The following SV2C variants were observed in gnomAD, a reference collection of about 807,000 sequenced individuals.
SV2C encodes synaptic vesicle glycoprotein 2C, also known as solute carrier family 22 member B3.
A neutral mutation model predicts 79.7 loss-of-function variants in SV2C; 49 were observed. The ratio of observed to expected loss-of-function variants is 0.61; its 90% CI spans 0.49 to 0.78. The LOEUF is 0.78. Ranked by LOEUF, SV2C falls within the 30% of genes least tolerant of loss-of-function variation. The probability of loss-of-function intolerance (pLI) is 0.00; values close to 1 mark genes in which losing one functional copy is unlikely to be tolerated. For missense variants in SV2C, 833 were observed against 912.9 expected (o/e 0.91, Z 1.13); for synonymous variants, 334 against 333.2 (o/e 1.00, Z -0.03).
At position 76,333,313 on chromosome 5, in the gene SV2C, G is replaced by A. The variant is rs1463725293; in HGVS notation, c.*7766G>A. The A allele has an allele frequency of 6.6e-6, 1 of 152,190 alleles. No individual in the cohort carries two copies. Among genetic ancestry groups the A allele is most frequent in the Admixed American group, 6.5e-5 (1 of 15,282 alleles). 9.4% of individuals were successfully genotyped at this position (152,190 alleles called of 1,614,324 possible). On this transcript the variant is annotated 3_prime_UTR_variant, in exon 13 of 13. Coordinates refer to ENST00000502798, the MANE Select transcript of SV2C (RefSeq NM_014979.4). ...ACTTTCTTAGCATCCATGCAGTTAT[G>A]TATCCTCATCCTGATCCAGGAACAT... is the stretch of plus-strand genomic sequence containing the variant.
intron 1 of SV2C, among the ~76,000 whole-genome samples, chr5:76,087,594 A>G (rs1419333632): frequency 6.6e-6 from 1 of 152,200 alleles, no homozygotes; most frequent in East Asian, 1.9e-4. Context: ...CCCATTCTAG[A>G]CATTCTAAAT....
intron 12 of SV2C, among the ~76,000 whole-genome samples, chr5:76,319,506 C>G (rs1301303255): frequency 6.6e-6 from 1 of 152,168 alleles, no homozygotes; most frequent in East Asian, 1.9e-4. Flanking sequence ...AAAGGGTAGT[C>G]ACGTTTTCTT....
intron 12 of SV2C, among the ~76,000 whole-genome samples, chr5:76,346,283 T>C (rs1749536126): frequency 6.6e-6 from 1 of 152,234 alleles, no homozygotes; most frequent in South Asian, 2.1e-4. Context: ...ACCTTTGTTT[T>C]TAATGTAATT....
At chr5:75,920,969 T>C in the SV2C span, 2 of 716,224 alleles carry the variant, frequency 2.8e-6, no homozygotes, top group Non-Finnish European at 5.1e-6. Context: ...CCTGAGGAGG[T>C]GATGCTCCAG....
At chr5:75,943,758 G>A in the SV2C span, among the ~76,000 whole-genome samples, 23 of 152,240 alleles carry the variant, frequency 1.5e-4, no homozygotes, top group Non-Finnish European at 2.6e-4. Flanking sequence ...ACCATGCTCA[G>A]GGCCTCCTTT....
At chr5:76,244,170 T>G (rs1276946077) in intron 4 of SV2C, among the ~76,000 whole-genome samples, 1 of 152,242 alleles carries the variant, frequency 6.6e-6, no homozygotes, top group African/African-American at 2.4e-5. Context: ...CACTTACTAC[T>G]CTGTCCCCAG....
chr5:76,001,939 T>C, the SV2C span, among the ~76,000 whole-genome samples: 1 of 152,084 alleles, frequency 6.6e-6, no homozygotes, highest in East Asian at 1.9e-4. Flanking sequence ...AGTCTTTTAT[T>C]CCTCATCCCC....
chr5:76,028,536 G>A, the SV2C span, among the ~76,000 whole-genome samples: 1 of 152,192 alleles, frequency 6.6e-6, no homozygotes, highest in Non-Finnish European at 1.5e-5. Flanking sequence ...GTCTTCTCTT[G>A]TTTACACAGT....
At chr5:76,117,351 T>TA (rs1580278613) in intron 1 of SV2C, among the ~76,000 whole-genome samples, 1 of 152,248 alleles carries the variant, frequency 6.6e-6, no homozygotes, top group East Asian at 1.9e-4. Context: ...TTCACTGAGT[T>TA]ACATAAACGA....
chr5:75,968,057 A>G, the SV2C span, among the ~76,000 whole-genome samples: 1 of 152,232 alleles, frequency 6.6e-6, no homozygotes, highest in Non-Finnish European at 1.5e-5. Context: ...TACCCAGGCA[A>G]ACAGGGTCTG....
chr5:76,005,626 T>C, the SV2C span, among the ~76,000 whole-genome samples: 1 of 152,118 alleles, frequency 6.6e-6, no homozygotes, highest in Non-Finnish European at 1.5e-5. Context: ...TAAATTTGAG[T>C]CCCTTCCTAG....
chr5:75,901,639 G>A, the SV2C span, among the ~76,000 whole-genome samples: 8 of 152,348 alleles, frequency 5.3e-5, no homozygotes, highest in South Asian at 4.1e-4. Flanking sequence ...GGACATTTAC[G>A]TCTGCAGAGG....
At chr5:76,150,874 A>C (rs1408946884) in intron 2 of SV2C, among the ~76,000 whole-genome samples, 2 of 151,602 alleles carry the variant, frequency 1.3e-5, no homozygotes, top group Non-Finnish European at 2.9e-5. Flanking sequence ...TCCGAGCCTC[A>C]AGTGATCCTC....
the SV2C span, among the ~76,000 whole-genome samples, chr5:76,006,876 C>G: frequency 6.6e-6 from 1 of 152,260 alleles, no homozygotes; most frequent in Non-Finnish European, 1.5e-5. Context: ...TCCTATCTAT[C>G]CAAATTTCAC....
the SV2C span, among the ~76,000 whole-genome samples, chr5:75,936,317 G>T: frequency 6.6e-6 from 1 of 152,112 alleles, no homozygotes; most frequent in Non-Finnish European, 1.5e-5. Flanking sequence ...TCATCCTTGG[G>T]TCTATGTCTC....
intron 1 of SV2C, among the ~76,000 whole-genome samples, chr5:76,100,768 C>T (rs1184610483): frequency 1.3e-5 from 2 of 152,106 alleles, no homozygotes; most frequent in African/African-American, 4.8e-5. Context: ...GGTGTTTGCT[C>T]GAGGTAGGGT....
the SV2C span, among the ~76,000 whole-genome samples, chr5:75,982,957 C>G: frequency 1.3e-5 from 2 of 151,960 alleles, no homozygotes; most frequent in African/African-American, 4.8e-5. Flanking sequence ...ACACTGGAGC[C>G]TTTTGGAGGG....
chr5:75,945,323 C>G, the SV2C span, among the ~76,000 whole-genome samples: 1 of 150,602 alleles, frequency 6.6e-6, no homozygotes, highest in African/African-American at 2.4e-5. Context: ...TTTTCTCTCT[C>G]TCTTTTTTTT....
At chr5:75,881,634 C>A in the SV2C span, among the ~76,000 whole-genome samples, 1 of 152,036 alleles carries the variant, frequency 6.6e-6, no homozygotes, top group African/African-American at 2.4e-5. Flanking sequence ...TTGTGATTTT[C>A]GTACGTTGAT....
Sources: gnomAD v4.1 joint callset for allele counts (sites outside exome capture counted in the v4.1 genomes callset) on GRCh38, gnomAD v4.1.1 for gene constraint, MANE v1.5 for transcripts, NCBI Gene and HGNC (gene_info 2026-07-23, HGNC 2026-07-21) for gene names.